Variants in PNPLA1 observed in about 807,000 individuals in gnomAD.
PNPLA1 encodes the protein omega-hydroxyceramide transacylase.
PNPLA1 carries 36 observed loss-of-function variants against 51.7 expected under a neutral mutation model. The observed-to-expected ratio is 0.70, with a 90% confidence interval of 0.53 to 0.92. The LOEUF is 0.92. PNPLA1 is among the 40% of genes least tolerant of loss of function. PNPLA1 has a pLI of 0.00. For synonymous variants in PNPLA1, 293 were observed against 280.1 expected (o/e 1.05, Z -0.46); for missense variants, 658 against 682.5 (o/e 0.96, Z 0.40).
At chr6:36,289,242 C>T (rs1040927209) in intron 1 of PNPLA1, among the ~76,000 whole-genome samples, 6 of 152,142 alleles carry the variant, frequency 3.9e-5, no homozygotes, top group East Asian at 1.9e-4. Flanking sequence ...GGAGATCAGG[C>T]GTTCCTGGCT....
At chr6:36,264,077 C>T (rs1253542111) in intron 1 of PNPLA1, among the ~76,000 whole-genome samples, 1 of 152,188 alleles carries the variant, frequency 6.6e-6, no homozygotes. Context: ...TCCTGCATGG[C>T]AAGGAAATGT....
intron 5 of PNPLA1, among the ~76,000 whole-genome samples, chr6:36,299,335 G>GTTTTTTTTTTTTTT (rs767505825): frequency 3.4e-5 from 2 of 58,772 alleles, no homozygotes. Flanking sequence ...TTTTTTGTCT[G>GTTTTTTTTTTTTTT]TTTTTTTTTT....
At chr6:36,269,718 C>T (rs144690727), upstream of PNPLA1, among the ~76,000 whole-genome samples, 1,203 of 152,096 alleles carry the variant, frequency 7.9e-3, 9 homozygotes, top group Middle Eastern at 0.024. Flanking sequence ...TGGGTGGGGC[C>T]GCCAAAGTCA....
intron 5 of PNPLA1, 149 bp downstream of exon 5, chr6:36,295,573 C>T: frequency 1.2e-6 from 1 of 851,700 alleles, no homozygotes; most frequent in African/African-American, 1.7e-5. Flanking sequence ...GGGTGGGGAC[C>T]TAACAGGCTG....
chr6:36,292,014 T>C (rs990989141), intron 2 of PNPLA1, among the ~76,000 whole-genome samples: 1 of 152,192 alleles, frequency 6.6e-6, no homozygotes, highest in Non-Finnish European at 1.5e-5. Flanking sequence ...ACCAAATCAG[T>C]TAACACTTAG....
chr6:36,292,093 AT>A (rs1399254966), intron 2 of PNPLA1, among the ~76,000 whole-genome samples: 2 of 152,190 alleles, frequency 1.3e-5, no homozygotes, highest in East Asian at 3.9e-4. Flanking sequence ...ATGAATAATG[AT>A]TGCTGGAAAG....
intron 1 of PNPLA1, among the ~76,000 whole-genome samples, chr6:36,244,927 C>T (rs1039600277): frequency 1.3e-5 from 2 of 152,178 alleles, no homozygotes; most frequent in African/African-American, 4.8e-5. Flanking sequence ...CCCCGAACTC[C>T]AGGGTGGCTC....
At chr6:36,247,642 G>A (rs532695702) in intron 1 of PNPLA1, among the ~76,000 whole-genome samples, 38 of 152,324 alleles carry the variant, frequency 2.5e-4, no homozygotes, top group Middle Eastern at 3.4e-3. Flanking sequence ...GAGGGGGGAC[G>A]TTGTGTTGTG....
intron 1 of PNPLA1, among the ~76,000 whole-genome samples, 159 bp from the exon 2 acceptor site, chr6:36,291,161 A>C (rs756587188): frequency 6.6e-6 from 1 of 152,216 alleles, no homozygotes; most frequent in Non-Finnish European, 1.5e-5. Flanking sequence ...CGTCATGTGC[A>C]AGACAGCAGG....
At chr6:36,297,800 C>G (rs1278293177) in intron 5 of PNPLA1, among the ~76,000 whole-genome samples, 3 of 152,124 alleles carry the variant, frequency 2.0e-5, no homozygotes. Context: ...CCAAACCTCT[C>G]TTCCGCCCTC....
rs187111113 is a variant in PNPLA1, at chr6:36,273,241, A to G, written c.205+2577A>G. On this transcript the variant is annotated intron_variant, in intron 1 of 8. Transcript: ENST00000636260. ...GGTAACAAAGCCAGACTCTGTCTCA[A>G]ATAAATAAATAATAAATAAATAAAT... is the stretch of plus-strand genomic sequence containing the variant. 9.6e-3 allele frequency among the ~76,000 whole-genome samples: 1,317 copies of G among 137,230 alleles called. 18 individuals carry two copies. Among genetic ancestry groups the G allele is most frequent in the African/African-American group, 0.035 (1,251 of 35,330 alleles). 90.0% of individuals were successfully genotyped at this position (137,230 alleles called of 152,430 possible).
intron 5 of PNPLA1, among the ~76,000 whole-genome samples, chr6:36,298,223 C>T (rs189588307): frequency 6.6e-6 from 1 of 152,274 alleles, no homozygotes; most frequent in East Asian, 1.9e-4. Context: ...TATACCACAG[C>T]CCATTTACCC....
intron 6 of PNPLA1, 71 bp from the exon 7 acceptor site, chr6:36,306,221 T>C: frequency 1.8e-6 from 2 of 1,105,936 alleles, no homozygotes; most frequent in Non-Finnish European, 2.7e-6. Flanking sequence ...TTACTGACTA[T>C]TGCTATTTCA....
chr6:36,306,432 G>A (rs1237439492), intron 7 of PNPLA1, 56 bp downstream of exon 7: 11 of 1,486,092 alleles, frequency 7.4e-6, no homozygotes, highest in Middle Eastern at 1.8e-4. Flanking sequence ...AAGCAAGCCC[G>A]GCTAAGCGAT....
chr6:36,307,689 C>CA lies in PNPLA1; in HGVS notation c.1578dup (p.Pro527ThrfsTer21). The CA allele has an allele frequency of 1.2e-6, 2 of 1,613,728 alleles. No individual in the cohort carries two copies. The highest frequency in any genetic ancestry group is 1.3e-5 in the African/African-American group (1 of 74,974). The stretch of plus-strand genomic sequence containing the variant: ...AAGGCTTCCCAAGACATTCGGGATC[C>CA]AAAAAACCAAGCAGCAAAGTGCAGT... On this transcript the variant is annotated frameshift_variant, in exon 8 of 9. Transcript: ENST00000636260. LOFTEE classifies it low-confidence loss of function (END_TRUNC).
chr6:36,282,019 G>A (rs1011193437), intron 1 of PNPLA1, among the ~76,000 whole-genome samples: 1 of 107,150 alleles, frequency 9.3e-6, no homozygotes, highest in Non-Finnish European at 1.9e-5. Flanking sequence ...GTGAAACTCT[G>A]TGAAAGAGAG....
intron 5 of PNPLA1, among the ~76,000 whole-genome samples, chr6:36,301,043 A>C (rs181797408): frequency 6.6e-6 from 1 of 152,246 alleles, no homozygotes; most frequent in Admixed American, 6.5e-5. Context: ...TCTTTCACAC[A>C]TTTTAAAAAC....
At chr6:36,297,771 G>A (rs1770902532) in intron 5 of PNPLA1, among the ~76,000 whole-genome samples, 1 of 152,004 alleles carries the variant, frequency 6.6e-6, no homozygotes, top group South Asian at 2.1e-4. Context: ...ATATCCATCC[G>A]GCATTCAGGC....
chr6:36,304,384 G>T (rs1771167841), intron 6 of PNPLA1, among the ~76,000 whole-genome samples: 2 of 152,122 alleles, frequency 1.3e-5, no homozygotes, highest in Non-Finnish European at 2.9e-5. Context: ...TCATGCCTTT[G>T]AGAGGCAGAG....
Sources: gnomAD v4.1 joint callset for allele counts (sites outside exome capture counted in the v4.1 genomes callset) on GRCh38, gnomAD v4.1.1 for gene constraint, MANE v1.5 for transcripts, NCBI Gene and HGNC (gene_info 2026-07-23, HGNC 2026-07-21) for gene names.